FLNB: variants seen among roughly 807,000 people sequenced by gnomAD.
FLNB encodes filamin B, also known as filamin-B.
FLNB carries 111 observed loss-of-function variants against 250.6 expected under a neutral mutation model. The observed-to-expected ratio is 0.44, with a 90% CI of 0.38 to 0.52. FLNB has a LOEUF of 0.52. Ranked by LOEUF, FLNB falls within the 20% of genes least tolerant of loss-of-function variation. FLNB has a pLI of 0.00. For missense variants in FLNB, 2,869 were observed against 3,447.8 expected, an observed-to-expected ratio of 0.83 and a Z score of 4.20; for synonymous variants, 1,302 against 1,372.1, an observed-to-expected ratio of 0.95 and a Z score of 1.13.
chr3:58,062,006 G>A (rs1445381948), intron 1 of FLNB, among the ~76,000 whole-genome samples: 1 of 151,926 alleles, frequency 6.6e-6, no homozygotes, highest in Non-Finnish European at 1.5e-5. Context: ...TGGGAGAATC[G>A]CTTGAACCTG....
chr3:58,067,758 G>A (rs2097188027), intron 1 of FLNB, among the ~76,000 whole-genome samples: 1 of 151,798 alleles, frequency 6.6e-6, no homozygotes, highest in African/African-American at 2.4e-5. Flanking sequence ...CATCACGCCC[G>A]GCTAATTTTT....
At chr3:58,038,401 T>A (rs777283297) in intron 1 of FLNB, among the ~76,000 whole-genome samples, 5 of 151,984 alleles carry the variant, frequency 3.3e-5, no homozygotes, top group Admixed American at 2.0e-4. Context: ...CAAGACTGAG[T>A]TAGTTCTTGT....
Position 58,008,494 on chromosome 3 carries a change from C to T in FLNB, c.-71C>T. The T allele has an allele frequency of 6.6e-7, 1 of 1,520,096 alleles. No individual in the cohort carries two copies. The highest frequency in any genetic ancestry group is 8.9e-7 in the Non-Finnish European group (1 of 1,120,318). The allele number at this position is 1,520,096 out of a possible 1,614,324, so 94.2% of individuals were successfully genotyped here. A position where few individuals can be genotyped will look rare whatever the true frequency, so the allele number is the denominator to read the frequency against. ...TCCCGCTCCGCTTCGGTTCTCGCTC[C>T]TTCGGCCCTTGGGCCTCCAAACACC... On this transcript the variant is annotated 5_prime_UTR_variant, in exon 1 of 46. Transcript: ENST00000295956.
chr3:58,076,415 G>A (rs2097201746), intron 1 of FLNB, among the ~76,000 whole-genome samples: 1 of 152,090 alleles, frequency 6.6e-6, no homozygotes. Context: ...TGTTACCTCT[G>A]GGATGCAGTC....
chr3:58,081,795 G>GT lies in FLNB; in HGVS notation c.787+20dup. 2 of 1,613,818 alleles carry GT rather than the reference G, an allele frequency of 1.2e-6. No individual in the cohort carries two copies. The highest frequency in any genetic ancestry group is 1.7e-6 in the Non-Finnish European group (2 of 1,179,708). ...GGCAGAGGTGAGTGCTGGTCCTCTG[G>GT]TGTTGTATTGGAGACATGTCCTCTG... is the stretch of plus-strand genomic sequence containing the variant. On this transcript the variant is annotated intron_variant, in intron 4 of 45. Coordinates refer to ENST00000295956, the MANE Select transcript of FLNB (RefSeq NM_001457.4).
At chr3:58,120,396 T>A (rs997467472) in intron 19 of FLNB, among the ~76,000 whole-genome samples, 2 of 152,224 alleles carry the variant, frequency 1.3e-5, no homozygotes, top group African/African-American at 4.8e-5. Flanking sequence ...TCCTTGCCTG[T>A]GGTTCGGCAG....
rs1011658955 is a variant in FLNB at position 58,142,313 on chromosome 3, C to T, written c.5182-337C>T. Among the ~76,000 whole-genome samples, 13 of 152,222 alleles carry T rather than the reference C, an allele frequency of 8.5e-5. No individual in the cohort carries two copies. The highest frequency in any genetic ancestry group is 6.2e-4 in the South Asian group (3 of 4,836). On this transcript the variant is annotated intron_variant, in intron 30 of 45. Transcript: ENST00000295956. The surrounding 1 kb of genome is among the most constrained non-coding windows in gnomAD (Gnocchi z 4.3). ...TGCCACTTAAAATGCACCTTCTTTTCCAGGCCACAAGCAACTAAACCTTTC... is the reference window on the plus strand; with the variant it reads ...TGCCACTTAAAATGCACCTTCTTTTTCAGGCCACAAGCAACTAAACCTTTC...
chr3:58,134,606 G>A lies in FLNB; in HGVS notation c.4515-10G>A. The A allele has an allele frequency of 6.2e-7, 1 of 1,613,720 alleles. No individual in the cohort carries two copies. Among genetic ancestry groups the A allele is most frequent in the Non-Finnish European group, 8.5e-7 (1 of 1,179,666 alleles). On this transcript the variant is annotated splice_polypyrimidine_tract_variant and intron_variant, in intron 26 of 45. Coordinates refer to ENST00000295956, the MANE Select transcript of FLNB (RefSeq NM_001457.4). ...TATTGACTAGGGTGTGTGTGTGTGT[G>A]TCTATCAAGTCCCTTCAAGGTCAAG... is the stretch of plus-strand genomic sequence containing the variant.
At chr3:58,051,045 T>C (rs372611487) in intron 1 of FLNB, among the ~76,000 whole-genome samples, 246 of 152,316 alleles carry the variant, frequency 1.6e-3, no homozygotes, top group African/African-American at 5.8e-3. Context: ...TTGAATATGC[T>C]TTGTCCCAGC....
At chr3:58,127,336 A>AAAAAAAAAAAAAAAG (rs2097299666) in intron 24 of FLNB, among the ~76,000 whole-genome samples, 1 of 151,780 alleles carries the variant, frequency 6.6e-6, no homozygotes. Context: ...AAAAAAAAAA[A>AAAAAAAAAAAAAAAG]AAAAGAAAAA....
rs186496837 is a variant in FLNB, at chr3:58,043,187, C to T, written c.293-33859C>T. On this transcript the variant is annotated intron_variant, in intron 1 of 45. Transcript: ENST00000295956. ...TTTGAGACAGAGTTTCACTCTGTTG[C>T]CCGGGGGAATGATCTCTGCTCACTG... Among the ~76,000 whole-genome samples, 3 of 134,286 alleles carry T rather than the reference C, an allele frequency of 2.2e-5. No individual in the cohort carries two copies. In the Admixed American group the frequency reaches 2.4e-4, roughly 11 times the overall value. The allele number at this position is 134,286 out of a possible 152,430, so 88.1% of individuals were successfully genotyped here. A position where few individuals can be genotyped will look rare whatever the true frequency, so the allele number is the denominator to read the frequency against.
intron 1 of FLNB, among the ~76,000 whole-genome samples, chr3:58,029,749 C>T (rs1180350511): frequency 6.6e-6 from 1 of 150,702 alleles, no homozygotes; most frequent in Non-Finnish European, 1.5e-5. Context: ...ATGATCCCAA[C>T]CCCCCCGACC....
chr3:58,079,425 G>A (rs1405506764), intron 3 of FLNB, among the ~76,000 whole-genome samples: 2 of 152,024 alleles, frequency 1.3e-5, no homozygotes, highest in African/African-American at 2.4e-5. Flanking sequence ...GCTAATTTTT[G>A]TATTTTTAGT....
rs58864061 is a variant in FLNB at position 58,038,440 on chromosome 3, C to CTT, written c.292+29595_292+29596dup. Among the ~76,000 whole-genome samples the CTT allele has an allele frequency of 1.6e-3, 230 of 143,124 alleles. 2 individuals carry two copies. Among genetic ancestry groups the CTT allele is most frequent in the African/African-American group, 5.0e-3 (200 of 39,712 alleles). The allele number at this position is 143,124 out of a possible 152,430, so 93.9% of individuals were successfully genotyped here. ...AATCTGATTGTTTGTGAATTGATGG[C>CTT]TTTTTTTTTTTTCCTGAGTTGGGGG... On this transcript the variant is annotated intron_variant, in intron 1 of 45. Transcript: ENST00000295956.
intron 1 of FLNB, among the ~76,000 whole-genome samples, chr3:58,056,975 A>G (rs750671828): frequency 1.3e-5 from 2 of 150,528 alleles, no homozygotes; most frequent in Non-Finnish European, 3.0e-5. Flanking sequence ...AAACTAACCT[A>G]TAACTCATTT....
chr3:58,115,908 T>C (rs954641800), intron 18 of FLNB, among the ~76,000 whole-genome samples: 2 of 152,144 alleles, frequency 1.3e-5, no homozygotes, highest in Admixed American at 6.5e-5. Context: ...GTTTATTGTT[T>C]CATTATTTGG....
intron 1 of FLNB, among the ~76,000 whole-genome samples, chr3:58,020,719 G>GAAAAAAA (rs10716613): frequency 1.6e-5 from 2 of 125,226 alleles, no homozygotes; most frequent in South Asian, 5.0e-4. Flanking sequence ...TTCCTTTCCA[G>GAAAAAAA]AAAAAAAAAA....
Position 58,150,170 on chromosome 3 carries a change from C to T in FLNB, c.6310C>T (p.Arg2104Trp), listed in dbSNP as rs751795794. 3.1e-5 allele frequency: 50 copies of T among 1,614,210 alleles called. No individual in the cohort carries two copies. The East Asian group carries it at 5.6e-4, about 18-fold the overall frequency. ...CAAAGAGAGCATCACCCGCACCAGT[C>T]GGGCCCCGTCCGTGGCCACTGTCGG... ...RVKESITRTS[R>W]APSVATVGSI... Residue 2104 changes from arginine to tryptophan, a missense_variant, in exon 38 of 46, where the codon CGG becomes TGG. Arg to Trp is a moderately radical substitution (Grantham distance 101). Transcript: ENST00000295956.
chr3:58,052,879 G>C (rs1373376070), intron 1 of FLNB, among the ~76,000 whole-genome samples: 1 of 152,148 alleles, frequency 6.6e-6, no homozygotes, highest in East Asian at 1.9e-4. Flanking sequence ...GGTCACCCTC[G>C]CATTTCTACA....
Sources: allele counts gnomAD v4.1 joint callset (sites outside exome capture counted in the v4.1 genomes callset), GRCh38; gene constraint gnomAD v4.1.1; non-coding constraint Gnocchi (gnomAD v3.1); transcripts MANE v1.5; gene names NCBI Gene and HGNC (gene_info 2026-07-23, HGNC 2026-07-21).